The following ATXN3 variants were observed in gnomAD, a reference collection of about 807,000 sequenced individuals.
ATXN3 encodes the protein ataxin 3, also known as ataxin-3.
ATXN3 carries 28 observed loss-of-function variants against 58.2 expected under a neutral mutation model. The ratio of observed to expected loss-of-function variants is 0.48; its 90% CI spans 0.36 to 0.66. The LOEUF (loss-of-function observed/expected upper bound fraction) is 0.66. Among genes scored for constraint, ATXN3 ranks in the 30% least tolerant of loss-of-function variants. The probability of loss-of-function intolerance (pLI) is 0.00; values close to 1 mark genes in which losing one functional copy is unlikely to be tolerated. For synonymous variants in ATXN3, 113 were observed against 138.5 expected (o/e 0.82, Z 1.29); for missense variants, 321 against 422.1 (o/e 0.76, Z 2.10).
intron 6 of ATXN3, among the ~76,000 whole-genome samples, chr14:92,086,346 T>A: frequency 6.6e-6 from 1 of 150,948 alleles, no homozygotes. Context: ...GCGGCTCACC[T>A]GAGGTCAGGA....
In ATXN3 at chr14:92,064,296, T is replaced by A. The variant is rs776508242; in HGVS notation, c.*24A>T. 6.7e-7 allele frequency: 1 copy of A among 1,496,556 alleles called. No homozygotes were observed. The allele number at this position is 1,496,556 out of a possible 1,614,324, so 92.7% of individuals were successfully genotyped here. A position where few individuals can be genotyped will look rare whatever the true frequency, so the allele number is the denominator to read the frequency against. ...ACAGGATAATGTTGGAAAGTATGAA[T>A]ATCTAAATTATTTTTTAAAGGTATT... On this transcript the variant is annotated 3_prime_UTR_variant, in exon 11 of 11. Transcript: ENST00000644486.
intron 5 of ATXN3, among the ~76,000 whole-genome samples, chr14:92,091,324 G>A (rs1429906299): frequency 1.3e-5 from 2 of 152,066 alleles, no homozygotes; most frequent in African/African-American, 4.8e-5. Context: ...GGTGGTGCGT[G>A]GCTGTAGACA....
intron 6 of ATXN3, among the ~76,000 whole-genome samples, chr14:92,083,898 G>C (rs1037039055): frequency 6.6e-6 from 1 of 152,202 alleles, no homozygotes; most frequent in South Asian, 2.1e-4. Context: ...AAATAAGAGT[G>C]TGGAAGTACT....
intron 5 of ATXN3, among the ~76,000 whole-genome samples, chr14:92,091,604 T>TA (rs1316522853): frequency 6.6e-6 from 1 of 151,166 alleles, no homozygotes; most frequent in Non-Finnish European, 1.5e-5. Context: ...TTTCTTGACT[T>TA]ATACCTTTTT....
At chr14:92,077,802 G>A (rs1282607709) in intron 9 of ATXN3, among the ~76,000 whole-genome samples, 1 of 151,546 alleles carries the variant, frequency 6.6e-6, no homozygotes, top group Non-Finnish European at 1.5e-5. Flanking sequence ...GCACCACCAT[G>A]CCCAACTAAT....
chr14:92,052,454 A>C (rs1408292162), upstream of ATXN3, among the ~76,000 whole-genome samples: 1 of 151,564 alleles, frequency 6.6e-6, no homozygotes, highest in East Asian at 1.9e-4. Context: ...GCGCCATTGC[A>C]CTCCAGCCTG....
At chr14:92,052,620 T>C (rs924543664), upstream of ATXN3, among the ~76,000 whole-genome samples, 20 of 152,338 alleles carry the variant, frequency 1.3e-4, no homozygotes, top group African/African-American at 7.2e-5. Context: ...CCTGGATGCA[T>C]GACAGCCAAG....
At chr14:92,098,448 A>C (rs1218203069) in intron 1 of ATXN3, among the ~76,000 whole-genome samples, 1 of 152,078 alleles carries the variant, frequency 6.6e-6, no homozygotes, top group Non-Finnish European at 1.5e-5. Flanking sequence ...ATTAGCCAGC[A>C]TGGTGGTGTG....
In ATXN3 at chr14:92,059,110, A is replaced by G. The variant is rs983294998; in HGVS notation, c.*5210T>C. 4 of 152,168 alleles carry G rather than the reference A, an allele frequency of 2.6e-5. No homozygotes were observed. The highest frequency in any genetic ancestry group is 5.9e-5 in the Non-Finnish European group (4 of 68,030). The allele number at this position is 152,168 out of a possible 1,614,324, so 9.4% of individuals were successfully genotyped here. A position where few individuals can be genotyped will look rare whatever the true frequency, so the allele number is the denominator to read the frequency against. Reference sequence around the variant, plus strand: ...GGCTTAAAATGTTTTTTGATATGCTATTAAACATGCCAATTACGACAAATT... The same window carrying G: ...GGCTTAAAATGTTTTTTGATATGCTGTTAAACATGCCAATTACGACAAATT... On this transcript the variant is annotated 3_prime_UTR_variant, in exon 11 of 11. Coordinates refer to ENST00000644486, the MANE Select transcript of ATXN3 (RefSeq NM_004993.6).
intron 8 of ATXN3, among the ~76,000 whole-genome samples, chr14:92,081,464 TCAAAAAAAAAAAAAAAAA>T (rs1182261035): frequency 2.8e-5 from 1 of 35,808 alleles, no homozygotes; most frequent in African/African-American, 1.4e-4. Context: ...AGACTCTGAC[TCAAAAAAAAAAAAAAAAA>T]AAAAGAAAGA....
intron 6 of ATXN3, among the ~76,000 whole-genome samples, chr14:92,085,281 G>C (rs1390836046): frequency 6.6e-6 from 1 of 151,782 alleles, no homozygotes; most frequent in Admixed American, 6.6e-5. Flanking sequence ...CTGCCTCCCG[G>C]GTTCAAGTGA....
chr14:92,080,602 C>T lies in ATXN3; in HGVS notation c.872+363G>A, dbSNP rs559431016. 164 of 309,854 alleles carry T rather than the reference C, an allele frequency of 5.3e-4. 1 individual carries two copies. The highest frequency in any genetic ancestry group is 1.6e-3 in the African/African-American group (74 of 45,742). The allele number at this position is 309,854 out of a possible 1,614,324, so 19.2% of individuals were successfully genotyped here. A position where few individuals can be genotyped will look rare whatever the true frequency, so the allele number is the denominator to read the frequency against. On this transcript the variant is annotated intron_variant, in intron 9 of 10. Transcript: ENST00000644486. The stretch of plus-strand genomic sequence containing the variant: ...AGTCTGGAGGGCAGTGGTGCGATCT[C>T]GGCTCACTGCAACCTCCACGTCCCG...
intron 1 of ATXN3, among the ~76,000 whole-genome samples, chr14:92,099,887 CA>C (rs1188781547): frequency 0.011 from 639 of 57,066 alleles, 4 homozygotes; most frequent in African/African-American, 0.039. Flanking sequence ...ACAAGAAAGA[CA>C]AGAAAGAAAG....
intron 2 of ATXN3, chr14:92,096,373 C>G (rs1244634073): frequency 5.3e-6 from 7 of 1,330,434 alleles, no homozygotes; most frequent in Non-Finnish European, 7.0e-6. Flanking sequence ...ACCTATAATC[C>G]CAGCACTTTG....
At chr14:92,046,753 C>T (rs1405639914) in intron 2 of ATXN3, among the ~76,000 whole-genome samples, 1 of 152,080 alleles carries the variant, frequency 6.6e-6, no homozygotes, top group African/African-American at 2.4e-5. Flanking sequence ...CAACCATGCC[C>T]AGGAAGGAAA....
intron 10 of ATXN3, 190 bp downstream of exon 10, chr14:92,070,745 T>C (rs2059275937): frequency 2.8e-6 from 1 of 358,524 alleles, no homozygotes; most frequent in Non-Finnish European, 4.2e-6. Flanking sequence ...CACATCTAGC[T>C]TTTTTTTTTT....
chr14:92,069,443 G>A (rs575861206), intron 10 of ATXN3, among the ~76,000 whole-genome samples: 2 of 140,120 alleles, frequency 1.4e-5, no homozygotes, highest in African/African-American at 2.7e-5. Flanking sequence ...GCACGATCTC[G>A]GCTCACTGCA....
intron 7 of ATXN3, among the ~76,000 whole-genome samples, chr14:92,082,919 G>C (rs931928073): frequency 6.6e-6 from 1 of 151,996 alleles, no homozygotes; most frequent in African/African-American, 2.4e-5. Flanking sequence ...CGAAGTGCTA[G>C]GAATATACCA....
chr14:92,097,044 A>G, intron 1 of ATXN3: 1 of 467,298 alleles, frequency 2.1e-6, no homozygotes, highest in Non-Finnish European at 3.9e-6. Context: ...AGTAGCTGGT[A>G]CTACAGGCAC....
Sources: gnomAD v4.1 joint callset for allele counts (sites outside exome capture counted in the v4.1 genomes callset) on GRCh38, gnomAD v4.1.1 for gene constraint, MANE v1.5 for transcripts, NCBI Gene and HGNC (gene_info 2026-07-23, HGNC 2026-07-21) for gene names.